The following ABHD12B variants were observed in gnomAD, a reference collection of about 807,000 sequenced individuals.
The protein encoded by ABHD12B is abhydrolase domain containing 12B.
ABHD12B carries 42 observed loss-of-function variants against 50.4 expected under a neutral mutation model. That is an observed-to-expected ratio of 0.83 (90% CI 0.65 to 1.08). The LOEUF (loss-of-function observed/expected upper bound fraction) is 1.08, where lower values mean the gene tolerates loss of function less well. ABHD12B is among the 50% of genes least tolerant of loss of function. ABHD12B has a pLI of 0.00. For missense variants in ABHD12B, 479 were observed against 447.7 expected (o/e 1.07, Z -0.63); for synonymous variants, 167 against 160.3 (o/e 1.04, Z -0.32).
chr14:50,881,492 G>C (rs1022874776), intron 4 of ABHD12B, 104 bp from the exon 5 acceptor site: 1 of 1,204,006 alleles, frequency 8.3e-7, no homozygotes, highest in East Asian at 2.5e-5. Context: ...GAAAGAGAAA[G>C]GCGTGAGATC....
intron 2 of ABHD12B, 68 bp from the exon 3 acceptor site, chr14:50,878,676 CT>C (rs1232205769): frequency 1.5e-6 from 2 of 1,324,682 alleles, no homozygotes; most frequent in African/African-American, 1.4e-5. Flanking sequence ...AGGCTAATTC[CT>C]TTCTTTGATT....
At chr14:50,888,701 A>G in intron 8 of ABHD12B, 123 bp from the exon 9 acceptor site, 1 of 769,296 alleles carries the variant, frequency 1.3e-6, no homozygotes, top group Non-Finnish European at 2.1e-6. Context: ...ATTATTAATA[A>G]CCTTCACAAA....
chr14:50,903,744 T>C (rs2050294250), intron 11 of ABHD12B, among the ~76,000 whole-genome samples: 1 of 152,142 alleles, frequency 6.6e-6, no homozygotes, highest in Admixed American at 6.5e-5. Flanking sequence ...CTCCATGTCG[T>C]CTCTACTGTA....
intron 5 of ABHD12B, among the ~76,000 whole-genome samples, 165 bp from the exon 6 acceptor site, chr14:50,885,449 T>C (rs1223119572): frequency 6.6e-6 from 1 of 152,196 alleles, no homozygotes; most frequent in Non-Finnish European, 1.5e-5. Flanking sequence ...TACAAAATAA[T>C]AGCTGTTTTT....
At chr14:50,873,757 T>G (rs974035081) in intron 1 of ABHD12B, among the ~76,000 whole-genome samples, 2 of 152,204 alleles carry the variant, frequency 1.3e-5, no homozygotes, top group Admixed American at 1.3e-4. Context: ...TGATGGCTGA[T>G]TATTTAACAT....
Position 50,880,475 on chromosome 14 carries a change from G to T in ABHD12B, c.359G>T (p.Gly120Val), listed in dbSNP as rs753148607. 2 of 1,609,550 alleles carry T rather than the reference G, an allele frequency of 1.2e-6. No individual in the cohort carries two copies. The highest frequency in any genetic ancestry group is 4.5e-5 in the East Asian group (2 of 44,536). The change falls in exon 4 of 13, where the codon GGG becomes GTG. Residue 120 changes from glycine to valine, a missense_variant. Transcript: ENST00000337334. Reference sequence around the variant, plus strand: ...AGGCACACAGTCCCCAGCTGCCGGGGGGAAGATGCCAAGGGGAAGGACTGT... The same window carrying T: ...AGGCACACAGTCCCCAGCTGCCGGGTGGAAGATGCCAAGGGGAAGGACTGT... ...GIWHTVPSCR[G>V]EDAKGKDCCW...
At chr14:50,889,178 A>G (rs2050083777) in intron 9 of ABHD12B, among the ~76,000 whole-genome samples, 1 of 152,004 alleles carries the variant, frequency 6.6e-6, no homozygotes, top group African/African-American at 2.4e-5. Context: ...ATTTATTTTT[A>G]TTTTCTTCTT....
In ABHD12B at chr14:50,888,884, T is replaced by C; in HGVS notation, c.761T>C (p.Ile254Thr). 6.2e-7 allele frequency: 1 copy of C among 1,614,122 alleles called. No individual in the cohort carries two copies. The highest frequency in any genetic ancestry group is 8.5e-7 in the Non-Finnish European group (1 of 1,179,992). ...APFTNMWVAS[I>T]NYPLLKIYRN... ...TTTACCAACATGTGGGTTGCAAGTA[T>C]CAATTATCCCTTGTTAAAGGTGAGA... Residue 254 changes from isoleucine to threonine, a missense_variant, in exon 9 of 13, where the codon ATC (isoleucine) becomes ACC (threonine). Coordinates refer to ENST00000337334, the MANE Select transcript of ABHD12B (RefSeq NM_001206673.2).
intron 1 of ABHD12B, 73 bp from the exon 2 acceptor site, chr14:50,877,879 A>G: frequency 7.4e-7 from 1 of 1,347,906 alleles, no homozygotes; most frequent in Non-Finnish European, 9.7e-7. Context: ...AAAAAAACAA[A>G]GAAAAAGAAA....
At chr14:50,883,957 T>TAAC (rs1566486872) in intron 5 of ABHD12B, among the ~76,000 whole-genome samples, 1 of 152,234 alleles carries the variant, frequency 6.6e-6, no homozygotes, top group Non-Finnish European at 1.5e-5. Flanking sequence ...GTTACTATGA[T>TAAC]TGTATCTATA....
chr14:50,882,373 C>CTTTTTTTTTGTTTTTTTTTTTTTTT (rs2049965436), intron 5 of ABHD12B, among the ~76,000 whole-genome samples: 1 of 81,844 alleles, frequency 1.2e-5, no homozygotes, highest in African/African-American at 5.2e-5. Context: ...AGAATGTCTG[C>CTTTTTTTTTGTTTTTTTTTTTTTTT]TTTTTTTTTT....
In ABHD12B at chr14:50,895,651, A is replaced by G. The variant is rs878877960; in HGVS notation, c.781-6178A>G. On this transcript the variant is annotated intron_variant, in intron 9 of 12. Transcript: ENST00000337334. ...CTCGGCTTAGCGGCTGAAGACTGAC[A>G]CTGCCCGATCGCCTCGGAAGCCCCC... is the stretch of plus-strand genomic sequence containing the variant. 6.6e-5 allele frequency: 10 copies of G among 151,700 alleles called. 1 individual carries two copies. In the South Asian group the frequency reaches 1.3e-3, roughly 19 times the overall value. The allele number at this position is 151,700 out of a possible 1,614,324, so 9.4% of individuals were successfully genotyped here.
intron 9 of ABHD12B, among the ~76,000 whole-genome samples, chr14:50,900,910 G>A (rs915660256): frequency 6.6e-6 from 1 of 152,270 alleles, no homozygotes; most frequent in Non-Finnish European, 1.5e-5. Context: ...AGAGTGCTAC[G>A]ATCTGATTTG....
chr14:50,896,157 C>T (rs568944264), intron 9 of ABHD12B, among the ~76,000 whole-genome samples: 5 of 152,138 alleles, frequency 3.3e-5, no homozygotes, highest in South Asian at 2.1e-4. Flanking sequence ...CCCCACTCAA[C>T]GCCAATATCC....
intron 9 of ABHD12B, among the ~76,000 whole-genome samples, chr14:50,894,982 A>ACC (rs1398860299): frequency 3.4e-5 from 5 of 148,962 alleles, no homozygotes; most frequent in African/African-American, 1.0e-4. Context: ...GCCCTCCCCC[A>ACC]CCTGCCCAGC....
At chr14:50,880,641 G>T in intron 4 of ABHD12B, 70 bp downstream of exon 4, 2 of 1,437,764 alleles carry the variant, frequency 1.4e-6, no homozygotes, top group Non-Finnish European at 9.2e-7. Flanking sequence ...GGGGAATGAA[G>T]GACAGGGCTC....
Position 50,904,326 on chromosome 14 carries a change from C to T in ABHD12B, c.1062-13C>T. The stretch of plus-strand genomic sequence containing the variant: ...GGAAAGGGTGTGAGCTGATCTGGGT[C>T]CTTTTTCTACAGAGATTTCCTGAGC... On this transcript the variant is annotated splice_polypyrimidine_tract_variant and intron_variant, in intron 12 of 12. Coordinates refer to ENST00000337334, the MANE Select transcript of ABHD12B (RefSeq NM_001206673.2). The T allele has an allele frequency of 6.2e-7, 1 of 1,613,524 alleles. No homozygotes were observed. The highest frequency in any genetic ancestry group is 8.5e-7 in the Non-Finnish European group (1 of 1,179,802).
intron 12 of ABHD12B, 62 bp from the exon 13 acceptor site, chr14:50,904,277 A>G: frequency 1.2e-6 from 2 of 1,613,698 alleles, no homozygotes; most frequent in Non-Finnish European, 1.7e-6. Context: ...ATGAAAATGT[A>G]TAATATTTTG....
At chr14:50,891,883 GTCTA>G (rs918353988) in intron 9 of ABHD12B, 6 of 152,134 alleles carry the variant, frequency 3.9e-5, no homozygotes, top group African/African-American at 1.2e-4. Flanking sequence ...TCTCTCCATT[GTCTA>G]TCTGTCAATC....
Sources: allele counts gnomAD v4.1 joint callset (sites outside exome capture counted in the v4.1 genomes callset), GRCh38; gene constraint gnomAD v4.1.1; transcripts MANE v1.5; gene names NCBI Gene and HGNC (gene_info 2026-07-23, HGNC 2026-07-21).